TMPRSS4: variants seen among roughly 807,000 people sequenced by gnomAD.
The protein encoded by TMPRSS4 is transmembrane protease serine 4.
Under a neutral mutation model 56.4 loss-of-function variants are expected in TMPRSS4, and 45 were observed. The observed-to-expected ratio is 0.80, with a 90% confidence interval of 0.63 to 1.02. The LOEUF is 1.02. Among genes scored for constraint, TMPRSS4 ranks in the 50% least tolerant of loss-of-function variants. The probability of loss-of-function intolerance (pLI) is 0.00; values close to 1 mark genes in which losing one functional copy is unlikely to be tolerated. For missense variants in TMPRSS4, 546 were observed against 556.7 expected (o/e 0.98, Z 0.19); for synonymous variants, 205 against 211.0 (o/e 0.97, Z 0.25).
chr11:118,098,656 G>A (rs1276573225), intron 2 of TMPRSS4, among the ~76,000 whole-genome samples: 2 of 152,216 alleles, frequency 1.3e-5, no homozygotes, highest in Non-Finnish European at 2.9e-5. Context: ...CAGGGGCTCA[G>A]GCCTCTCTCG....
Position 118,114,923 on chromosome 11 carries a change from T to A in TMPRSS4, c.1005T>A (p.Asn335Lys). The A allele has an allele frequency of 6.3e-7, 1 of 1,599,538 alleles. No individual in the cohort carries two copies. The highest frequency in any genetic ancestry group is 1.7e-4 in the Middle Eastern group (1 of 5,872). Reference sequence around the variant, plus strand: ...TTGGATGGGGCTTTACGAAGCAGAATGGAGGTAAGTCCTGGGTGCAGGACC... The same window carrying A: ...TTGGATGGGGCTTTACGAAGCAGAAAGGAGGTAAGTCCTGGGTGCAGGACC... ...WIIGWGFTKQNGGKMSDILLQ... is the reference protein window; with the variant it reads ...WIIGWGFTKQKGGKMSDILLQ... The change falls in exon 10 of 13, where the codon AAT (asparagine) becomes AAA (lysine). Residue 335 changes from asparagine to lysine, a missense_variant. Physicochemically the swap from Asn to Lys is moderately conservative, Grantham distance 94 (BLOSUM62 0). Transcript: ENST00000437212.
chr11:118,111,621 CT>C, intron 7 of TMPRSS4, 119 bp from the exon 8 acceptor site: 1 of 731,998 alleles, frequency 1.4e-6, no homozygotes, highest in South Asian at 2.3e-5. Flanking sequence ...CTGGTCCTCT[CT>C]CCACTCTGGC....
chr11:118,116,974 G>T (rs191964776), intron 11 of TMPRSS4, among the ~76,000 whole-genome samples: 3 of 152,090 alleles, frequency 2.0e-5, no homozygotes. Context: ...GCCTCCCAAG[G>T]TGCTGGGATT....
intron 6 of TMPRSS4, 73 bp downstream of exon 6, chr11:118,107,948 C>T: frequency 7.9e-7 from 1 of 1,264,290 alleles, no homozygotes; most frequent in Non-Finnish European, 1.1e-6. Flanking sequence ...GCAACCAGCT[C>T]ACCTGGAACC....
downstream of TMPRSS4, among the ~76,000 whole-genome samples, chr11:118,124,975 C>T (rs1202455769): frequency 6.6e-6 from 1 of 152,236 alleles, no homozygotes; most frequent in African/African-American, 2.4e-5. Context: ...TGGCCCCTTC[C>T]ATTCCCACAG....
At chr11:118,099,280 T>A in intron 3 of TMPRSS4, 182 bp downstream of exon 3, 1 of 468,314 alleles carries the variant, frequency 2.1e-6, no homozygotes, top group Non-Finnish European at 3.8e-6. Flanking sequence ...CCTCCCATTA[T>A]CACCTCAGTA....
intron 2 of TMPRSS4, among the ~76,000 whole-genome samples, 199 bp from the exon 3 acceptor site, chr11:118,098,786 G>A (rs1417908994): frequency 1.3e-5 from 2 of 152,146 alleles, no homozygotes; most frequent in Non-Finnish European, 2.9e-5. Flanking sequence ...AGGTGAGCCT[G>A]GATAAGTAAG....
chr11:118,109,835 C>T (rs1947185887), intron 7 of TMPRSS4, among the ~76,000 whole-genome samples: 1 of 152,152 alleles, frequency 6.6e-6, no homozygotes, highest in Non-Finnish European at 1.5e-5. Context: ...TGCCCCCTAC[C>T]CCGGCCCCAC....
In TMPRSS4 at chr11:118,103,291, A is replaced by G. The variant is rs759524019; in HGVS notation, c.310+38A>G. ...TCTGAGGCACAAGAGAAGTGGGCCC[A>G]GCAGGAGGTCTGCTCAGGCCCCCAC... On this transcript the variant is annotated intron_variant, in intron 4 of 12. Coordinates refer to ENST00000437212, the MANE Select transcript of TMPRSS4 (RefSeq NM_019894.4). The G allele has an allele frequency of 3.2e-5, 51 of 1,599,870 alleles. No homozygotes were observed. In the Admixed American group the frequency reaches 8.3e-4, roughly 26 times the overall value.
intron 7 of TMPRSS4, among the ~76,000 whole-genome samples, chr11:118,110,095 G>A (rs940284975): frequency 5.3e-5 from 8 of 152,200 alleles, no homozygotes; most frequent in Admixed American, 3.3e-4. Context: ...GGGACTGGGG[G>A]CCCAGGCTAA....
At chr11:118,077,337 A>C in intron 1 of TMPRSS4, 32 bp downstream of exon 1, 1 of 1,584,990 alleles carries the variant, frequency 6.3e-7, no homozygotes, top group Non-Finnish European at 8.6e-7. Context: ...CCCAAGACAC[A>C]GGAAGGGTGG....
At chr11:118,104,929 AGGCAGAAT>A (rs1294274977) in intron 5 of TMPRSS4, 109 bp downstream of exon 5, 1 of 1,193,500 alleles carries the variant, frequency 8.4e-7, no homozygotes, top group African/African-American at 1.6e-5. Context: ...CATTGGAGCC[AGGCAGAAT>A]GGCTTTTGAA....
At position 118,111,830 on chromosome 11, in the gene TMPRSS4, G is replaced by T. The variant is rs781599975; in HGVS notation, c.673G>T (p.Asp225Tyr). Residue 225 changes from aspartate (D) to tyrosine (Y), a missense_variant, in exon 8 of 13, where the codon GAC becomes TAC. Transcript: ENST00000437212. ...GCCTTGGCAGGTCAGCATCCAGTAC[G>T]ACAAACAGCACGTCTGTGGAGGGAG... ...SWPWQVSIQY[D>Y]KQHVCGGSIL... is the part of the protein sequence containing the mutation. The T allele has an allele frequency of 6.2e-7, 1 of 1,607,088 alleles. No homozygotes were observed. Among genetic ancestry groups the T allele is most frequent in the Non-Finnish European group, 8.5e-7 (1 of 1,177,218 alleles).
At chr11:118,084,671 T>A (rs575743580) in intron 1 of TMPRSS4, among the ~76,000 whole-genome samples, 2 of 152,324 alleles carry the variant, frequency 1.3e-5, no homozygotes, top group East Asian at 1.9e-4. Context: ...GTAGGGTAAT[T>A]GGGGCAGAGA....
At chr11:118,102,959 T>C in intron 3 of TMPRSS4, 142 bp from the exon 4 acceptor site, 1 of 1,092,728 alleles carries the variant, frequency 9.2e-7, no homozygotes, top group East Asian at 2.4e-5. Flanking sequence ...CCCAAGTCTG[T>C]GTGCTACCAA....
rs1591417013 is a variant in TMPRSS4, at chr11:118,118,027, C to T, written c.*114C>T. On this transcript the variant is annotated 3_prime_UTR_variant, in exon 13 of 13. Transcript: ENST00000437212. ...CCCCTTGGGTACACCCCTCTGCCCA[C>T]AGCCTCAGCATTTCTTGGAGCAGCA... is the stretch of plus-strand genomic sequence containing the variant. 1.3e-6 allele frequency: 2 copies of T among 1,581,926 alleles called. No homozygotes were observed. The highest frequency in any genetic ancestry group is 4.5e-5 in the East Asian group (2 of 44,502).
In TMPRSS4 at chr11:118,121,283, G is replaced by A. The variant is rs1342428227; in HGVS notation, c.*3370G>A. The A allele has an allele frequency of 5.3e-5, 8 of 152,230 alleles. No individual in the cohort carries two copies. The highest frequency in any genetic ancestry group is 1.7e-4 in the African/African-American group (7 of 41,462). 9.4% of individuals were successfully genotyped at this position (152,230 alleles called of 1,614,324 possible). A position where few individuals can be genotyped will look rare whatever the true frequency, so the allele number is the denominator to read the frequency against. On this transcript the variant is annotated 3_prime_UTR_variant, in exon 13 of 13. Transcript: ENST00000437212. ...CCTAAAAGGAAGAACCAAGAAGCAA[G>A]TAGCAATAGTGAGGCAATTGTGAAA...
rs869259816 is a variant in TMPRSS4, at chr11:118,121,364, TTCTTC to T, written c.*3453_*3457del. The T allele has an allele frequency of 3.9e-5, 6 of 152,152 alleles. No individual in the cohort carries two copies. The highest frequency in any genetic ancestry group is 7.3e-5 in the Non-Finnish European group (5 of 68,046). The allele number at this position is 152,152 out of a possible 1,614,324, so 9.4% of individuals were successfully genotyped here. On this transcript the variant is annotated 3_prime_UTR_variant, in exon 13 of 13. Coordinates refer to ENST00000437212, the MANE Select transcript of TMPRSS4 (RefSeq NM_019894.4). Reference sequence around the variant, plus strand: ...CTTCTTCTTCTTCTTCTTCTTCTTCTTCTTCTTATTTTGAGACTGAGTCTTGCCCT... The same window carrying T: ...CTTCTTCTTCTTCTTCTTCTTCTTCTTTATTTTGAGACTGAGTCTTGCCCT...
At chr11:118,103,391 T>TGTTTGTTTGTTG in intron 4 of TMPRSS4, 138 bp downstream of exon 4, 1 of 1,151,316 alleles carries the variant, frequency 8.7e-7, no homozygotes, top group African/African-American at 1.6e-5. Context: ...TTTGTTTGTT[T>TGTTTGTTTGTTG]GTTGTTGTTT....
Sources: allele counts gnomAD v4.1 joint callset (sites outside exome capture counted in the v4.1 genomes callset), GRCh38; gene constraint gnomAD v4.1.1; transcripts MANE v1.5; gene names NCBI Gene and HGNC (gene_info 2026-07-23, HGNC 2026-07-21).